COLEC12: variants seen among roughly 807,000 people sequenced by gnomAD.
The protein encoded by COLEC12 is collectin-12.
COLEC12 carries 33 observed loss-of-function variants against 71.1 expected under a neutral mutation model. The ratio of observed to expected loss-of-function variants is 0.46; its 90% CI spans 0.35 to 0.62. The LOEUF (loss-of-function observed/expected upper bound fraction) is 0.62. Among genes scored for constraint, COLEC12 ranks in the 20% least tolerant of loss-of-function variants. COLEC12 has a pLI of 0.00. For missense variants in COLEC12, 765 were observed against 916.1 expected (o/e 0.84, Z 2.13); for synonymous variants, 350 against 353.0 (o/e 0.99, Z 0.10).
intron 2 of COLEC12, among the ~76,000 whole-genome samples, chr18:467,277 T>C (rs1456885115): frequency 6.6e-6 from 1 of 152,164 alleles, no homozygotes; most frequent in South Asian, 2.1e-4. Context: ...TTGTTAAATA[T>C]ATGTGCTCCC....
chr18:388,058 GATGTAAGCTGCA>G (rs1158304337), intron 2 of COLEC12, among the ~76,000 whole-genome samples: 6 of 152,208 alleles, frequency 3.9e-5, no homozygotes, highest in African/African-American at 1.2e-4. Flanking sequence ...TAGGCAGACA[GATGTAAGCTGCA>G]CCTTCTTTCA....
intron 2 of COLEC12, among the ~76,000 whole-genome samples, chr18:365,326 A>T (rs1914831453): frequency 6.6e-6 from 1 of 152,214 alleles, no homozygotes; most frequent in Non-Finnish European, 1.5e-5. Flanking sequence ...CTGGTAAGGC[A>T]TGTTAGCCCC....
intron 1 of COLEC12, among the ~76,000 whole-genome samples, chr18:482,751 G>T (rs765429868): frequency 6.6e-6 from 1 of 151,974 alleles, no homozygotes; most frequent in African/African-American, 2.4e-5. Flanking sequence ...AACTGGGATT[G>T]CAGGCGCCCA....
At chr18:487,397 T>A (rs1917539585) in intron 1 of COLEC12, among the ~76,000 whole-genome samples, 1 of 152,142 alleles carries the variant, frequency 6.6e-6, no homozygotes, top group South Asian at 2.1e-4. Flanking sequence ...TTGATTATAA[T>A]GATGAATAAA....
chr18:462,063 C>CT (rs1056797602), intron 2 of COLEC12, among the ~76,000 whole-genome samples: 1 of 152,102 alleles, frequency 6.6e-6, no homozygotes, highest in African/African-American at 2.4e-5. Context: ...GTCTTTTTCC[C>CT]TTTTTTGGTG....
chr18:436,228 G>A (rs907227603), intron 2 of COLEC12, among the ~76,000 whole-genome samples: 2 of 152,172 alleles, frequency 1.3e-5, no homozygotes, highest in African/African-American at 2.4e-5. Flanking sequence ...GGGCAAAGCG[G>A]GGCCAGGCGC....
At chr18:442,188 A>G (rs188402472) in intron 2 of COLEC12, among the ~76,000 whole-genome samples, 140 of 151,966 alleles carry the variant, frequency 9.2e-4, no homozygotes, top group Admixed American at 2.6e-3. Context: ...GAAAAGACGA[A>G]GTTACAGAGG....
chr18:474,947 G>A (rs964077494), intron 2 of COLEC12, among the ~76,000 whole-genome samples: 4 of 151,586 alleles, frequency 2.6e-5, no homozygotes, highest in Non-Finnish European at 5.9e-5. Flanking sequence ...CGGTGGCGGC[G>A]CCTGTAGTCC....
intron 2 of COLEC12, among the ~76,000 whole-genome samples, chr18:449,689 A>G (rs1258640959): frequency 6.6e-6 from 1 of 152,154 alleles, no homozygotes; most frequent in Non-Finnish European, 1.5e-5. Context: ...CCGAGGCCAC[A>G]CAGTCCGGGC....
At position 327,103 on chromosome 18, in the gene COLEC12, C is replaced by G. The variant is rs535789906; in HGVS notation, c.2063+4565G>C. On this transcript the variant is annotated intron_variant, in intron 8 of 9. Coordinates refer to ENST00000400256, the MANE Select transcript of COLEC12 (RefSeq NM_130386.3). The surrounding 1 kb of genome is among the most constrained non-coding windows in gnomAD (Gnocchi z 4.0). Reference sequence around the variant, plus strand: ...TCATGAGACTGTGGGCCAATGGACTCTAATCTCCAGTCAGGGGCTGGGTGT... The same window carrying G: ...TCATGAGACTGTGGGCCAATGGACTGTAATCTCCAGTCAGGGGCTGGGTGT... Among the ~76,000 whole-genome samples the G allele has an allele frequency of 5.4e-4, 83 of 152,294 alleles. No homozygotes were observed. In the Middle Eastern group the frequency reaches 0.01, roughly 19 times the overall value.
chr18:393,423 A>C (rs1915505158), intron 2 of COLEC12, among the ~76,000 whole-genome samples: 1 of 102,240 alleles, frequency 9.8e-6, no homozygotes, highest in Admixed American at 9.4e-5. Context: ...AGCAAATTTC[A>C]TATTTCCCTT....
chr18:355,015 A>G (rs1914600359), intron 3 of COLEC12, among the ~76,000 whole-genome samples: 1 of 152,044 alleles, frequency 6.6e-6, no homozygotes, highest in African/African-American at 2.4e-5. Context: ...CCTGGAAGGC[A>G]GCCCTAATGC....
intron 7 of COLEC12, 26 bp from the exon 8 acceptor site, chr18:331,803 G>A (rs771918315): frequency 3.4e-5 from 49 of 1,425,546 alleles, no homozygotes; most frequent in South Asian, 1.7e-4. Flanking sequence ...GGGGTGGTGC[G>A]TGACTATTTT....
At chr18:350,980 C>T (rs994903613) in intron 3 of COLEC12, among the ~76,000 whole-genome samples, 3 of 148,380 alleles carry the variant, frequency 2.0e-5, no homozygotes, top group Non-Finnish European at 4.5e-5. Context: ...AAAAAAAAGA[C>T]TTCAAAAAAT....
chr18:324,199 C>T (rs1416099038), intron 8 of COLEC12, among the ~76,000 whole-genome samples: 1 of 151,940 alleles, frequency 6.6e-6, no homozygotes, highest in African/African-American at 2.4e-5. Context: ...TGTGGCAAAA[C>T]CCCTCAGTCT....
intron 2 of COLEC12, among the ~76,000 whole-genome samples, chr18:430,513 A>T (rs1003930161): frequency 6.6e-6 from 1 of 152,130 alleles, no homozygotes; most frequent in Non-Finnish European, 1.5e-5. Flanking sequence ...TTATACAGTA[A>T]ATTTAAACTT....
At chr18:427,582 A>G (rs1480597532) in intron 2 of COLEC12, among the ~76,000 whole-genome samples, 1 of 145,462 alleles carries the variant, frequency 6.9e-6, no homozygotes, top group Admixed American at 6.8e-5. Context: ...TTGAAAGAAA[A>G]GTAAAACTCT....
At chr18:424,676 T>C (rs552335626) in intron 2 of COLEC12, among the ~76,000 whole-genome samples, 3 of 152,362 alleles carry the variant, frequency 2.0e-5, no homozygotes, top group Admixed American at 1.3e-4. Flanking sequence ...GGACTTCTGA[T>C]GTTGTCATCT....
chr18:332,899 G>A (rs966242998), intron 7 of COLEC12, 108 bp downstream of exon 7: 47 of 1,003,164 alleles, frequency 4.7e-5, no homozygotes, highest in South Asian at 1.4e-4. Flanking sequence ...CCATGTTTAC[G>A]TGACTAGGAA....
Sources: gnomAD v4.1 joint callset for allele counts (sites outside exome capture counted in the v4.1 genomes callset) on GRCh38, gnomAD v4.1.1 for gene constraint, Gnocchi (gnomAD v3.1) non-coding constraint, MANE v1.5 for transcripts, NCBI Gene and HGNC (gene_info 2026-07-23, HGNC 2026-07-21) for gene names.